Variants in PEAK1 observed in about 807,000 individuals in gnomAD.
PEAK1 encodes pseudopodium enriched atypical kinase 1.
PEAK1 carries 54 observed loss-of-function variants against 124.7 expected under a neutral mutation model. That is an observed-to-expected ratio of 0.43 (90% confidence interval 0.35 to 0.54). The LOEUF (loss-of-function observed/expected upper bound fraction) is 0.54, where lower values mean the gene tolerates loss of function less well. PEAK1 is among the 20% of genes least tolerant of loss of function. The pLI is 0.01. For missense variants in PEAK1, 2,046 were observed against 2,134.5 expected (o/e 0.96, Z 0.82); for synonymous variants, 719 against 760.0 (o/e 0.95, Z 0.89).
chr15:77,337,831 T>C, intron 2 of PEAK1: 2 of 985,278 alleles, frequency 2.0e-6, no homozygotes, highest in South Asian at 9.4e-5. Flanking sequence ...TTTCATGCAA[T>C]AGAGCTAAGA....
intron 6 of PEAK1, among the ~76,000 whole-genome samples, chr15:77,210,269 A>G (rs986283713): frequency 1.6e-4 from 24 of 152,210 alleles, no homozygotes; most frequent in African/African-American, 5.5e-4. Context: ...TTCTATCACT[A>G]AAGTTATTGG....
intron 2 of PEAK1, among the ~76,000 whole-genome samples, chr15:77,323,054 G>A (rs1256730841): frequency 1.4e-4 from 21 of 152,276 alleles, no homozygotes; most frequent in African/African-American, 1.7e-4. Context: ...CTCAATAGAT[G>A]CAGAAAAGGC....
intron 2 of PEAK1, among the ~76,000 whole-genome samples, chr15:77,293,410 C>T (rs777516563): frequency 6.6e-6 from 1 of 152,194 alleles, no homozygotes; most frequent in Non-Finnish European, 1.5e-5. Flanking sequence ...ACCTGATAAT[C>T]ACTATATTCC....
intron 6 of PEAK1, among the ~76,000 whole-genome samples, chr15:77,222,433 C>T (rs1432952437): frequency 6.6e-6 from 1 of 151,942 alleles, no homozygotes; most frequent in Non-Finnish European, 1.5e-5. Flanking sequence ...TATATTACTG[C>T]TAATCACTAA....
intron 7 of PEAK1, among the ~76,000 whole-genome samples, chr15:77,177,368 C>G (rs539421454): frequency 1.3e-5 from 2 of 152,238 alleles, no homozygotes; most frequent in Admixed American, 6.5e-5. Context: ...GGACTACCAT[C>G]CTAGTTGCTT....
At chr15:77,403,960 C>T in intron 1 of PEAK1, 1 of 966,054 alleles carries the variant, frequency 1.0e-6, no homozygotes, top group Non-Finnish European at 1.2e-6. Flanking sequence ...CATGGGTAAA[C>T]TGCGTGTCAC....
chr15:77,410,694 T>C lies in PEAK1; in HGVS notation c.-666+9312A>G, dbSNP rs182739224. On this transcript the variant is annotated intron_variant, in intron 1 of 9. Transcript: ENST00000682557. ...AATAAGATACAGTCTTTGCACTCAA[T>C]GCATTGGCTCTTTCCACTCAGCATA... Among the ~76,000 whole-genome samples the C allele has an allele frequency of 2.4e-4, 36 of 152,370 alleles. 1 individual carries two copies. Among genetic ancestry groups the C allele is most frequent in the African/African-American group, 8.7e-4 (36 of 41,580 alleles).
intron 5 of PEAK1, among the ~76,000 whole-genome samples, chr15:77,254,393 T>G (rs1460348251): frequency 6.6e-6 from 1 of 152,130 alleles, no homozygotes; most frequent in East Asian, 1.9e-4. Flanking sequence ...ATTCTTATTT[T>G]TTATTTTCTA....
At chr15:77,169,511 C>T (rs1472447298) in intron 7 of PEAK1, among the ~76,000 whole-genome samples, 1 of 152,106 alleles carries the variant, frequency 6.6e-6, no homozygotes, top group African/African-American at 2.4e-5. Context: ...TGTTTACCAC[C>T]ACAGCTTATT....
chr15:77,114,237 C>G lies in PEAK1; in HGVS notation c.5160G>C (p.Glu1720Asp). 1.9e-6 allele frequency: 3 copies of G among 1,614,222 alleles called. No homozygotes were observed. Among genetic ancestry groups the G allele is most frequent in the Non-Finnish European group, 2.5e-6 (3 of 1,180,044 alleles). ...CCAAATACTGAGCACAAAGCCAGTC[C>G]TCAAGGCTGATTCCACCTTCCCTGT... ...SLDREGGISL[E>D]DWLCAQYLAF... is the part of the protein sequence containing the mutation. The change falls in exon 10 of 10, where the codon GAG becomes GAC. Residue 1720 changes from glutamate to aspartate, a missense_variant. Coordinates refer to ENST00000682557, the MANE Select transcript of PEAK1 (RefSeq NM_001385026.1).
intron 2 of PEAK1, among the ~76,000 whole-genome samples, chr15:77,302,528 C>G (rs2063840556): frequency 6.6e-6 from 1 of 152,116 alleles, no homozygotes; most frequent in Non-Finnish European, 1.5e-5. Context: ...CATTATTAAT[C>G]CATACCTTGT....
At chr15:77,188,938 G>A (rs2057687426) in intron 6 of PEAK1, among the ~76,000 whole-genome samples, 1 of 152,152 alleles carries the variant, frequency 6.6e-6, no homozygotes. Context: ...GCTCAAGCCT[G>A]TAATCCCAAC....
At chr15:77,257,530 G>A (rs1171765297) in intron 5 of PEAK1, among the ~76,000 whole-genome samples, 1 of 151,314 alleles carries the variant, frequency 6.6e-6, no homozygotes, top group East Asian at 1.9e-4. Flanking sequence ...GTCTTCTTTT[G>A]AGAAGTGTCT....
chr15:77,243,734 C>T (rs149381466), intron 6 of PEAK1, among the ~76,000 whole-genome samples: 1 of 152,272 alleles, frequency 6.6e-6, no homozygotes, highest in South Asian at 2.1e-4. Flanking sequence ...CTTTGGGAGG[C>T]TGAGGTGGGC....
At chr15:77,312,761 A>G (rs895444316) in intron 2 of PEAK1, among the ~76,000 whole-genome samples, 2 of 152,200 alleles carry the variant, frequency 1.3e-5, no homozygotes, top group African/African-American at 4.8e-5. Context: ...AATATCTCCC[A>G]TAAGGTTTTG....
intron 5 of PEAK1, among the ~76,000 whole-genome samples, chr15:77,271,601 T>TA (rs1054756158): frequency 6.6e-5 from 10 of 151,828 alleles, no homozygotes; most frequent in Admixed American, 2.0e-4. Context: ...TATGCAGCCA[T>TA]AAAAAAAGGG....
intron 1 of PEAK1, among the ~76,000 whole-genome samples, chr15:77,378,225 TAAAG>T (rs1046904529): frequency 6.8e-6 from 1 of 146,020 alleles, no homozygotes; most frequent in African/African-American, 2.5e-5. Flanking sequence ...CCCATAAAAA[TAAAG>T]CAAGCAAGCA....
chr15:77,343,166 T>C (rs2066647947), intron 2 of PEAK1, among the ~76,000 whole-genome samples: 1 of 152,246 alleles, frequency 6.6e-6, no homozygotes, highest in African/African-American at 2.4e-5. Context: ...CAATAACAGC[T>C]ATCCTAATAG....
At chr15:77,404,073 G>C (rs1409753534) in intron 1 of PEAK1, 4 of 984,690 alleles carry the variant, frequency 4.1e-6, no homozygotes, top group Non-Finnish European at 1.2e-6. Context: ...TGACCATTCT[G>C]AGAGTTACTG....
Sources: gnomAD v4.1 joint callset for allele counts (sites outside exome capture counted in the v4.1 genomes callset) on GRCh38, gnomAD v4.1.1 for gene constraint, MANE v1.5 for transcripts, NCBI Gene and HGNC (gene_info 2026-07-23, HGNC 2026-07-21) for gene names.